Variants in DUSP13A observed in about 807,000 individuals in gnomAD.
The protein encoded by DUSP13A is dual specificity protein phosphatase 13A.
the DUSP13A span, chr10:75,109,127 C>A: frequency 6.2e-7 from 1 of 1,606,842 alleles, no homozygotes; most frequent in Non-Finnish European, 8.5e-7. Context: ...TTGTCCTCTC[C>A]CCCCAGCTCT....
chr10:75,106,406 T>G, the DUSP13A span, among the ~76,000 whole-genome samples: 1 of 152,036 alleles, frequency 6.6e-6, no homozygotes, highest in Non-Finnish European at 1.5e-5. Flanking sequence ...ACCTGCAAAT[T>G]GTTTCCCCTG....
chr10:75,105,888 G>A, the DUSP13A span: 128 of 1,543,952 alleles, frequency 8.3e-5, no homozygotes, highest in East Asian at 3.0e-3. Context: ...ACATCCTGGT[G>A]AAAAACCCTG....
the DUSP13A span, among the ~76,000 whole-genome samples, chr10:75,107,742 A>G: frequency 6.6e-6 from 1 of 152,060 alleles, no homozygotes; most frequent in South Asian, 2.1e-4. Flanking sequence ...ATGCCCGGCT[A>G]ATATTTGTAT....
At chr10:75,105,926 G>C in the DUSP13A span, 1 of 1,500,782 alleles carries the variant, frequency 6.7e-7, no homozygotes, top group Non-Finnish European at 9.0e-7. Context: ...CCCACGGGCT[G>C]GGATGGGGAC....
the DUSP13A span, chr10:75,108,407 G>C: frequency 1.0e-6 from 1 of 953,540 alleles, no homozygotes; most frequent in Non-Finnish European, 1.5e-6. Flanking sequence ...CCGGCGGTGT[G>C]TGTGTCGGGG....
the DUSP13A span, chr10:75,105,762 G>A: frequency 3.9e-6 from 6 of 1,552,570 alleles, no homozygotes; most frequent in African/African-American, 1.4e-5. Flanking sequence ...GCTGCCTCAC[G>A]GTGATCACCG....
chr10:75,105,911 GC>G, the DUSP13A span: 1 of 1,526,544 alleles, frequency 6.6e-7, no homozygotes, highest in Non-Finnish European at 8.9e-7. Context: ...CCACACACCG[GC>G]CCACCCACGG....
At chr10:75,106,495 C>T in the DUSP13A span, among the ~76,000 whole-genome samples, 6 of 152,270 alleles carry the variant, frequency 3.9e-5, no homozygotes, top group Admixed American at 1.3e-4. Flanking sequence ...CTTTCTTGAC[C>T]GCTCAAAGTA....
the DUSP13A span, chr10:75,108,106 C>T: frequency 3.0e-5 from 48 of 1,613,726 alleles, no homozygotes; most frequent in Non-Finnish European, 3.4e-5. Context: ...ACACTGCTGC[C>T]GTAGAAGTCA....
At chr10:75,108,949 C>A in the DUSP13A span, 5 of 1,536,368 alleles carry the variant, frequency 3.3e-6, no homozygotes, top group Middle Eastern at 1.8e-4. Context: ...TCTGGTAAAG[C>A]GACCAAGAAC....
At chr10:75,107,738 G>A in the DUSP13A span, among the ~76,000 whole-genome samples, 4 of 152,086 alleles carry the variant, frequency 2.6e-5, no homozygotes, top group African/African-American at 7.2e-5. Context: ...CACCATGCCC[G>A]GCTAATATTT....
At chr10:75,108,127 G>A in the DUSP13A span, 8 of 1,613,700 alleles carry the variant, frequency 5.0e-6, no homozygotes, top group South Asian at 5.5e-5. Flanking sequence ...GGGCCGCCCT[G>A]ACAGTAGAGG....
the DUSP13A span, among the ~76,000 whole-genome samples, chr10:75,106,096 CTTTTCT>C: frequency 3.7e-5 from 4 of 109,024 alleles, no homozygotes; most frequent in African/African-American, 1.2e-4. Context: ...TCTTTTCTTT[CTTTTCT>C]TTTTTTTTTT....
At chr10:75,108,360 C>G in the DUSP13A span, 1 of 1,368,008 alleles carries the variant, frequency 7.3e-7, no homozygotes, top group Non-Finnish European at 9.6e-7. Context: ...GACTCCACAG[C>G]CCTATACCCA....
At chr10:75,106,002 A>C in the DUSP13A span, 1 of 777,300 alleles carries the variant, frequency 1.3e-6, no homozygotes, top group South Asian at 1.8e-5. Flanking sequence ...CTCAGCCTTT[A>C]TGGACCTCAG....
At chr10:75,108,119 G>A in the DUSP13A span, 2 of 1,613,780 alleles carry the variant, frequency 1.2e-6, no homozygotes, top group Non-Finnish European at 1.7e-6. Flanking sequence ...AGAAGTCAGG[G>A]CCGCCCTGAC....
At chr10:75,105,802 A>G in the DUSP13A span, 1 of 1,551,034 alleles carries the variant, frequency 6.4e-7, no homozygotes, top group Non-Finnish European at 8.7e-7. Flanking sequence ...CTGGTGCAGC[A>G]TGAGGTAGGC....
the DUSP13A span, chr10:75,108,963 C>G: frequency 6.4e-7 from 1 of 1,551,242 alleles, no homozygotes; most frequent in East Asian, 2.4e-5. Context: ...CAAGAACTGC[C>G]TCTCCACGTC....
At chr10:75,109,110 C>A in the DUSP13A span, 1 of 1,611,570 alleles carries the variant, frequency 6.2e-7, no homozygotes, top group Admixed American at 1.7e-5. Context: ...TGGGGCAAGG[C>A]GTGGCTTTGT....
Sources: allele counts gnomAD v4.1 joint callset (sites outside exome capture counted in the v4.1 genomes callset), GRCh38; gene constraint gnomAD v4.1.1; transcripts MANE v1.5; gene names NCBI Gene and HGNC (gene_info 2026-07-23, HGNC 2026-07-21).